Variants in NRCAM observed in about 807,000 individuals in gnomAD.
NRCAM encodes the protein NgCAM-related cell adhesion molecule.
In NRCAM, 83 loss-of-function variants were observed where a neutral mutation model predicts 156.5. That is an observed-to-expected ratio of 0.53 (90% CI 0.44 to 0.64). The LOEUF (loss-of-function observed/expected upper bound fraction) is 0.64, where lower values mean the gene tolerates loss of function less well. Among genes scored for constraint, NRCAM ranks in the 30% least tolerant of loss-of-function variants. NRCAM has a pLI of 0.00. For synonymous variants in NRCAM, 538 were observed against 563.9 expected (o/e 0.95, Z 0.65); for missense variants, 1,417 against 1,597.3 (o/e 0.89, Z 1.92).
intron 1 of NRCAM, among the ~76,000 whole-genome samples, chr7:108,446,655 G>A (rs2154490838): frequency 1.3e-5 from 2 of 151,910 alleles, no homozygotes; most frequent in East Asian, 1.9e-4. Context: ...TGCAGACTCG[G>A]CCCCTCAATG....
chr7:108,177,975 C>A lies in NRCAM; in HGVS notation c.2974+15G>T. ...AAAAAACATATTTCCCCTTCTCTTC[C>A]TCCCAACAGCTTACTTGGCTGATAC... On this transcript the variant is annotated intron_variant, in intron 26 of 32. Coordinates refer to ENST00000379028, the MANE Select transcript of NRCAM (RefSeq NM_001037132.4). 1 of 1,581,962 alleles carries A rather than the reference C, an allele frequency of 6.3e-7. No homozygotes were observed. Among genetic ancestry groups the A allele is most frequent in the Non-Finnish European group, 8.6e-7 (1 of 1,166,570 alleles).
chr7:108,447,930 T>A (rs1287289288), intron 1 of NRCAM, among the ~76,000 whole-genome samples: 1 of 152,204 alleles, frequency 6.6e-6, no homozygotes, highest in African/African-American at 2.4e-5. Flanking sequence ...TTCTTTTCCC[T>A]TTCTCTTTCT....
chr7:108,290,363 A>G (rs1285093510), intron 3 of NRCAM, among the ~76,000 whole-genome samples: 1 of 152,176 alleles, frequency 6.6e-6, no homozygotes, highest in Non-Finnish European at 1.5e-5. Context: ...GCTGACCACC[A>G]GACTTCCTTG....
chr7:108,327,400 C>G (rs921696163), intron 2 of NRCAM, among the ~76,000 whole-genome samples: 15 of 152,092 alleles, frequency 9.9e-5, no homozygotes, highest in Non-Finnish European at 2.2e-4. Flanking sequence ...TGTTACTGTT[C>G]ATCAAAAATC....
chr7:108,190,514 T>A (rs2070624486), intron 19 of NRCAM, among the ~76,000 whole-genome samples: 1 of 152,182 alleles, frequency 6.6e-6, no homozygotes, highest in African/African-American at 2.4e-5. Context: ...AGTAAATGTC[T>A]ACAAAGCACA....
chr7:108,374,597 T>C (rs1281530971), intron 2 of NRCAM, among the ~76,000 whole-genome samples: 9 of 152,162 alleles, frequency 5.9e-5, no homozygotes, highest in African/African-American at 9.7e-5. Context: ...TGTAGAAAGA[T>C]GATGAATTCA....
At chr7:108,299,438 A>G (rs1444676025) in intron 3 of NRCAM, among the ~76,000 whole-genome samples, 6 of 152,210 alleles carry the variant, frequency 3.9e-5, no homozygotes, top group Admixed American at 3.9e-4. Flanking sequence ...CAATGACACT[A>G]CAGTCCAAGA....
chr7:108,178,053 C>T lies in NRCAM; in HGVS notation c.2911G>A (p.Glu971Lys). ...VNPTLDSLTL[E>K]WDPPSHPNGI... ...TTCGGGTGGCTCGGTGGATCCCATT[C>T]CAAAGTGAGAGAGTCCAGTGTTGGA... Residue 971 changes from glutamate to lysine, a missense_variant, in exon 26 of 33, where the codon GAA (glutamate) becomes AAA (lysine). Glu to Lys is a moderately conservative substitution (Grantham distance 56). Around this residue, in one of 2 missense-constraint regions of NRCAM, gnomAD observed 1,238 missense variants for 1,336.4 expected, o/e 0.93. Coordinates refer to ENST00000379028, the MANE Select transcript of NRCAM (RefSeq NM_001037132.4). The T allele has an allele frequency of 6.2e-7, 1 of 1,613,510 alleles. No individual in the cohort carries two copies. The highest frequency in any genetic ancestry group is 1.1e-5 in the South Asian group (1 of 91,004).
chr7:108,198,149 T>C lies in NRCAM; in HGVS notation c.1208-50A>G, dbSNP rs189638575. The C allele has an allele frequency of 3.4e-5, 50 of 1,473,584 alleles. No homozygotes were observed. In the East Asian group the frequency reaches 1.1e-3, roughly 31 times the overall value. 91.3% of individuals were successfully genotyped at this position (1,473,584 alleles called of 1,614,324 possible). On this transcript the variant is annotated intron_variant, in intron 13 of 32. Coordinates refer to ENST00000379028, the MANE Select transcript of NRCAM (RefSeq NM_001037132.4). ...TATTTATTCCTATTTGCTTAAAAGA[T>C]GTATATTAAGCTTGTAAAGTCAGTA...
At chr7:108,168,674 C>T (rs926782453) in intron 28 of NRCAM, among the ~76,000 whole-genome samples, 1 of 152,052 alleles carries the variant, frequency 6.6e-6, no homozygotes, top group African/African-American at 2.4e-5. Context: ...TAACTGTTGT[C>T]CATTAGATAC....
chr7:108,151,211 T>A (rs1220339261), intron 32 of NRCAM, among the ~76,000 whole-genome samples: 1 of 151,936 alleles, frequency 6.6e-6, no homozygotes, highest in East Asian at 1.9e-4. Flanking sequence ...ATAGGTAACA[T>A]TTGGGAAAAA....
intron 3 of NRCAM, among the ~76,000 whole-genome samples, chr7:108,293,333 T>C (rs1035288744): frequency 3.9e-5 from 6 of 152,174 alleles, no homozygotes; most frequent in Non-Finnish European, 5.9e-5. Flanking sequence ...ATTAACTAGA[T>C]GGCTTTATAA....
intron 2 of NRCAM, among the ~76,000 whole-genome samples, chr7:108,336,947 A>G (rs1252829860): frequency 6.6e-6 from 1 of 152,144 alleles, no homozygotes; most frequent in African/African-American, 2.4e-5. Flanking sequence ...GTAAAAATAA[A>G]TGTATTTTGC....
At chr7:108,158,394 T>C (rs1383579719) in intron 32 of NRCAM, among the ~76,000 whole-genome samples, 1 of 152,158 alleles carries the variant, frequency 6.6e-6, no homozygotes, top group African/African-American at 2.4e-5. Flanking sequence ...ATTGAAAATA[T>C]ATGTCTTTTT....
At chr7:108,444,371 C>CTTTTT (rs55925720) in intron 1 of NRCAM, among the ~76,000 whole-genome samples, 1 of 150,576 alleles carries the variant, frequency 6.6e-6, no homozygotes. Flanking sequence ...GCTGTATTCT[C>CTTTTT]TTTTTTTTTG....
At chr7:108,159,338 T>G in intron 32 of NRCAM, 125 bp downstream of exon 32, 1 of 817,628 alleles carries the variant, frequency 1.2e-6, no homozygotes, top group Non-Finnish European at 2.1e-6. Context: ...TACATGGAAG[T>G]ATCCCTAAAC....
chr7:108,319,329 C>T (rs1185483797), intron 2 of NRCAM, among the ~76,000 whole-genome samples: 3 of 152,060 alleles, frequency 2.0e-5, no homozygotes, highest in African/African-American at 7.2e-5. Context: ...ATTTAGTGAC[C>T]AACTACTATG....
intron 28 of NRCAM, 38 bp downstream of exon 28, chr7:108,175,284 T>G: frequency 6.5e-7 from 1 of 1,534,758 alleles, no homozygotes; most frequent in Non-Finnish European, 8.8e-7. Context: ...ATTGCAAATT[T>G]CACACATGTA....
At chr7:108,175,191 G>A in intron 28 of NRCAM, 131 bp downstream of exon 28, 1 of 648,180 alleles carries the variant, frequency 1.5e-6, no homozygotes, top group Non-Finnish European at 2.5e-6. Context: ...TTAAAGCCAA[G>A]ATTGGATGAG....
Sources: allele counts gnomAD v4.1 joint callset (sites outside exome capture counted in the v4.1 genomes callset), GRCh38; gene constraint gnomAD v4.1.1; regional missense constraint gnomAD v4.1.1; transcripts MANE v1.5; gene names NCBI Gene and HGNC (gene_info 2026-07-23, HGNC 2026-07-21).